FGF12: variants seen among roughly 807,000 people sequenced by gnomAD.
FGF12 encodes the protein fibroblast growth factor 12.
In FGF12, 14 loss-of-function variants were observed where a neutral mutation model predicts 23.6. That is an observed-to-expected ratio of 0.59 (90% CI 0.39 to 0.93). The LOEUF (loss-of-function observed/expected upper bound fraction) is 0.93. FGF12 is among the 40% of genes least tolerant of loss of function. The pLI, the probability that FGF12 is intolerant of heterozygous loss-of-function variation, is 0.00. For missense variants in FGF12, 175 were observed against 217.8 expected, an observed-to-expected ratio of 0.80 and a Z score of 1.24; for synonymous variants, 62 against 77.3, an observed-to-expected ratio of 0.80 and a Z score of 1.04.
chr3:192,210,010 A>G (rs1489501860), intron 4 of FGF12, among the ~76,000 whole-genome samples: 2 of 152,364 alleles, frequency 1.3e-5, no homozygotes, highest in East Asian at 3.9e-4. Flanking sequence ...TGTTTTTGCC[A>G]TGGTGCAGTA....
intron 5 of FGF12, among the ~76,000 whole-genome samples, chr3:192,148,870 T>G (rs950975525): frequency 1.3e-5 from 2 of 152,224 alleles, no homozygotes; most frequent in African/African-American, 4.8e-5. Context: ...CTGCCTAGTA[T>G]AGCATCCATT....
At position 192,484,494 on chromosome 3, in the gene FGF12, C is replaced by A. The variant is rs756446559; in HGVS notation, c.14-123956G>T. ...AAGCAAAATACAGCCTGTTGTTCTA[C>A]CTTATTATTCTATTATTGACATATT... On this transcript the variant is annotated intron_variant, in intron 2 of 5. Transcript: ENST00000445105. Among the ~76,000 whole-genome samples, 73 of 152,044 alleles carry A rather than the reference C, an allele frequency of 4.8e-4. 2 individuals are homozygous for A. The highest frequency in any genetic ancestry group is 1.5e-4 in the Non-Finnish European group (10 of 68,006).
intron 2 of FGF12, among the ~76,000 whole-genome samples, chr3:192,464,034 G>A (rs1366250527): frequency 1.3e-5 from 2 of 152,146 alleles, no homozygotes; most frequent in Non-Finnish European, 2.9e-5. Flanking sequence ...TTAGAGGCAC[G>A]TGAGAAGTTT....
chr3:192,561,923 G>GA (rs371813061), intron 2 of FGF12, among the ~76,000 whole-genome samples: 119 of 141,852 alleles, frequency 8.4e-4, no homozygotes, highest in African/African-American at 2.2e-3. Context: ...AAAAAAGAAA[G>GA]AAAAAAAAAA....
intron 4 of FGF12, among the ~76,000 whole-genome samples, chr3:192,205,097 T>C (rs1402243817): frequency 3.9e-5 from 6 of 152,168 alleles, no homozygotes; most frequent in Non-Finnish European, 5.9e-5. Flanking sequence ...AGAAGTATCC[T>C]CTGTTATCTT....
chr3:192,228,693 A>C (rs1022951929), intron 4 of FGF12, among the ~76,000 whole-genome samples: 5 of 152,096 alleles, frequency 3.3e-5, no homozygotes, highest in African/African-American at 1.2e-4. Flanking sequence ...AATACTCAGA[A>C]TTGAATGTCA....
At chr3:192,687,902 C>A (rs1345363836) in intron 2 of FGF12, among the ~76,000 whole-genome samples, 4 of 152,100 alleles carry the variant, frequency 2.6e-5, no homozygotes, top group Admixed American at 2.6e-4. Context: ...TCAGTCCTAG[C>A]CCCTTCCTTT....
intron 2 of FGF12, among the ~76,000 whole-genome samples, chr3:192,504,175 C>T (rs1724221643): frequency 6.6e-6 from 1 of 151,906 alleles, no homozygotes; most frequent in Non-Finnish European, 1.5e-5. Context: ...ACCACGGACG[C>T]CAGGGCCTAC....
chr3:192,265,861 A>G (rs965710346), intron 4 of FGF12, among the ~76,000 whole-genome samples: 2 of 152,186 alleles, frequency 1.3e-5, no homozygotes, highest in African/African-American at 4.8e-5. Context: ...AATGTCTTTC[A>G]GCTTAGCAAA....
At chr3:192,394,932 C>T (rs575751362) in intron 2 of FGF12, among the ~76,000 whole-genome samples, 1 of 152,246 alleles carries the variant, frequency 6.6e-6, no homozygotes, top group Non-Finnish European at 1.5e-5. Context: ...CATCACTTAG[C>T]GCTTCACCAG....
At chr3:192,208,218 T>TAA (rs1717749613) in intron 4 of FGF12, among the ~76,000 whole-genome samples, 1 of 152,252 alleles carries the variant, frequency 6.6e-6, no homozygotes, top group African/African-American at 2.4e-5. Flanking sequence ...ATTTGATTTA[T>TAA]AAAAGCACTT....
At chr3:192,340,464 A>T (rs1249453354) in intron 3 of FGF12, among the ~76,000 whole-genome samples, 4 of 152,166 alleles carry the variant, frequency 2.6e-5, no homozygotes, top group African/African-American at 9.6e-5. Flanking sequence ...CAATCCCAGT[A>T]AACATTTGCA....
At chr3:192,345,743 T>C (rs1403194680) in intron 3 of FGF12, among the ~76,000 whole-genome samples, 1 of 151,624 alleles carries the variant, frequency 6.6e-6, no homozygotes, top group African/African-American at 2.4e-5. Context: ...ATTCAAGTAG[T>C]TGTGAAGAAA....
At chr3:192,334,326 T>C (rs941794718) in intron 4 of FGF12, among the ~76,000 whole-genome samples, 11 of 152,022 alleles carry the variant, frequency 7.2e-5, no homozygotes, top group African/African-American at 2.7e-4. Context: ...TTTTGTTTAA[T>C]TGAACATTGG....
chr3:192,174,614 G>A (rs1441909842), intron 4 of FGF12, among the ~76,000 whole-genome samples: 2 of 152,114 alleles, frequency 1.3e-5, no homozygotes, highest in East Asian at 1.9e-4. Context: ...GTCATTCTAA[G>A]TAGAACCTTT....
intron 4 of FGF12, among the ~76,000 whole-genome samples, chr3:192,207,639 G>A (rs1190666863): frequency 6.6e-6 from 1 of 152,194 alleles, no homozygotes; most frequent in Non-Finnish European, 1.5e-5. Flanking sequence ...GCCAAAATGT[G>A]AAGGGTCATC....
At position 192,140,172 on chromosome 3, in the gene FGF12, A is replaced by G. The variant is rs1480427528; in HGVS notation, c.*3837T>C. The G allele has an allele frequency of 3.3e-5, 5 of 152,052 alleles. No individual in the cohort carries two copies. The highest frequency in any genetic ancestry group is 5.9e-5 in the Non-Finnish European group (4 of 67,934). 9.4% of individuals were successfully genotyped at this position (152,052 alleles called of 1,614,324 possible). On this transcript the variant is annotated 3_prime_UTR_variant, in exon 6 of 6. Coordinates refer to ENST00000445105, the MANE Select transcript of FGF12 (RefSeq NM_004113.6). ...AAGACCACAAATCAAATAAAAACTC[A>G]TATAATATATCCTTATTTCAGAAGC...
Position 192,201,285 on chromosome 3 carries a change from C to T in FGF12, c.229-30629G>A, listed in dbSNP as rs1717352855. Reference sequence around the variant, plus strand: ...ATTTTGACACATATTGGATGGACAACAGATTTCATTATATGTGTGGGGGAA... The same window carrying T: ...ATTTTGACACATATTGGATGGACAATAGATTTCATTATATGTGTGGGGGAA... On this transcript the variant is annotated intron_variant, in intron 4 of 5. Coordinates refer to ENST00000445105, the MANE Select transcript of FGF12 (RefSeq NM_004113.6). 4.6e-5 allele frequency among the ~76,000 whole-genome samples: 7 copies of T among 152,090 alleles called. 1 individual carries two copies. In the South Asian group the frequency reaches 1.5e-3, roughly 32 times the overall value.
At chr3:192,147,959 G>A (rs1227437877) in intron 5 of FGF12, among the ~76,000 whole-genome samples, 1 of 151,918 alleles carries the variant, frequency 6.6e-6, no homozygotes. Context: ...AAAAAAGAAA[G>A]TAACAAGAGT....
Sources: allele counts gnomAD v4.1 joint callset (sites outside exome capture counted in the v4.1 genomes callset), GRCh38; gene constraint gnomAD v4.1.1; transcripts MANE v1.5; gene names NCBI Gene and HGNC (gene_info 2026-07-23, HGNC 2026-07-21).